Variants in RAB3C observed in about 807,000 individuals in gnomAD.
The protein encoded by RAB3C is RAB3C, member RAS oncogene family.
RAB3C carries 17 observed loss-of-function variants against 26.4 expected under a neutral mutation model. The ratio of observed to expected loss-of-function variants is 0.64; its 90% CI spans 0.44 to 0.97. RAB3C has a LOEUF of 0.97. Ranked by LOEUF, RAB3C falls within the 50% of genes least tolerant of loss-of-function variation. The probability of loss-of-function intolerance (pLI) is 0.00; values close to 1 mark genes in which losing one functional copy is unlikely to be tolerated. For missense variants in RAB3C, 242 were observed against 281.9 expected, an observed-to-expected ratio of 0.86 and a Z score of 1.01; for synonymous variants, 91 against 95.9, an observed-to-expected ratio of 0.95 and a Z score of 0.30.
At chr5:58,846,773 T>A (rs1332316168) in intron 4 of RAB3C, 1 of 151,966 alleles carries the variant, frequency 6.6e-6, no homozygotes, top group African/African-American at 2.4e-5. Context: ...TAGTCTGGCT[T>A]ACACTGCCTC....
In RAB3C at chr5:58,633,992, T is replaced by A. The variant is rs1193159498; in HGVS notation, c.252+16122T>A. ...CTAAAAAATACAAAAAAAAAAAAAA[T>A]TAGCCGGGCATGGTGGCTGGTGCCT... On this transcript the variant is annotated intron_variant, in intron 2 of 4. Coordinates refer to ENST00000282878, the MANE Select transcript of RAB3C (RefSeq NM_138453.4). Among the ~76,000 whole-genome samples, 12 of 138,682 alleles carry A rather than the reference T, an allele frequency of 8.7e-5. No homozygotes were observed. In the East Asian group the frequency reaches 2.7e-3, roughly 31 times the overall value. 91.0% of individuals were successfully genotyped at this position (138,682 alleles called of 152,430 possible). A position where few individuals can be genotyped will look rare whatever the true frequency, so the allele number is the denominator to read the frequency against.
chr5:58,779,014 A>G, intron 3 of RAB3C, among the ~76,000 whole-genome samples: 1 of 152,094 alleles, frequency 6.6e-6, no homozygotes, highest in Admixed American at 6.6e-5. Flanking sequence ...ATCAACAATC[A>G]CTTAGTAAGC....
chr5:58,613,110 G>A (rs1746748701), intron 1 of RAB3C, among the ~76,000 whole-genome samples: 2 of 152,044 alleles, frequency 1.3e-5, no homozygotes, highest in Non-Finnish European at 2.9e-5. Context: ...GGAGGCTGTG[G>A]TTACATGTTT....
chr5:58,651,990 T>A (rs1747662808), intron 2 of RAB3C, among the ~76,000 whole-genome samples: 1 of 152,192 alleles, frequency 6.6e-6, no homozygotes, highest in African/African-American at 2.4e-5. Context: ...TGTATTATTA[T>A]CTTTTATTGG....
At chr5:58,846,860 T>C (rs986311928) in intron 4 of RAB3C, 1 of 151,938 alleles carries the variant, frequency 6.6e-6, no homozygotes, top group African/African-American at 2.4e-5. Flanking sequence ...TTCCTCAGCA[T>C]AGCTAACATG....
chr5:58,768,501 A>G (rs1399150199), intron 3 of RAB3C, among the ~76,000 whole-genome samples: 1 of 152,170 alleles, frequency 6.6e-6, no homozygotes, highest in East Asian at 1.9e-4. Flanking sequence ...ATGCAGTATC[A>G]GATGGTGATA....
intron 2 of RAB3C, among the ~76,000 whole-genome samples, chr5:58,660,425 A>G (rs1747878752): frequency 6.7e-6 from 1 of 150,284 alleles, no homozygotes; most frequent in African/African-American, 2.5e-5. Flanking sequence ...ATGCAGAAAC[A>G]ACATGAGAGG....
At chr5:58,746,879 T>A (rs973910589) in intron 3 of RAB3C, among the ~76,000 whole-genome samples, 1 of 152,242 alleles carries the variant, frequency 6.6e-6, no homozygotes, top group African/African-American at 2.4e-5. Context: ...TATTTCTAGA[T>A]AAGAAAATTG....
Position 58,858,404 on chromosome 5 carries a change from A to T in RAB3C, c.*7053A>T, listed in dbSNP as rs1744311238. 1 of 152,198 alleles carries T rather than the reference A, an allele frequency of 6.6e-6. No homozygotes were observed. Among genetic ancestry groups the T allele is most frequent in the Non-Finnish European group, 1.5e-5 (1 of 68,036 alleles). 9.4% of individuals were successfully genotyped at this position (152,198 alleles called of 1,614,324 possible). ...AATTTTAGTTAGTTGTCACATAGTT[A>T]TTGAACCTCATATGCTCAGTGCTGT... On this transcript the variant is annotated 3_prime_UTR_variant, in exon 5 of 5. Coordinates refer to ENST00000282878, the MANE Select transcript of RAB3C (RefSeq NM_138453.4).
chr5:58,708,047 G>A (rs1204238092), intron 2 of RAB3C, among the ~76,000 whole-genome samples: 1 of 149,800 alleles, frequency 6.7e-6, no homozygotes, highest in Non-Finnish European at 1.5e-5. Flanking sequence ...CTGGAATGCA[G>A]TGGTACAATC....
chr5:58,690,236 A>C (rs946516686), intron 2 of RAB3C, among the ~76,000 whole-genome samples: 45 of 152,110 alleles, frequency 3.0e-4, no homozygotes, highest in Non-Finnish European at 4.6e-4. Flanking sequence ...TCTAATTTTA[A>C]AATATTATTT....
Position 58,583,137 on chromosome 5 carries a change from G to T in RAB3C, c.-72G>T. 1 of 1,611,372 alleles carries T rather than the reference G, an allele frequency of 6.2e-7. No individual in the cohort carries two copies. The highest frequency in any genetic ancestry group is 1.7e-5 in the Admixed American group (1 of 59,668). On this transcript the variant is annotated 5_prime_UTR_variant, in exon 1 of 5. Transcript: ENST00000282878. Reference sequence around the variant, plus strand: ...TGCAGAGTGTGGAGCGTGGAGCGCCGGGACTGTGCACGCTTGACCGGAAGC... The same window carrying T: ...TGCAGAGTGTGGAGCGTGGAGCGCCTGGACTGTGCACGCTTGACCGGAAGC...
At chr5:58,666,184 G>A (rs1022610209) in intron 2 of RAB3C, among the ~76,000 whole-genome samples, 14 of 152,168 alleles carry the variant, frequency 9.2e-5, no homozygotes, top group African/African-American at 3.4e-4. Flanking sequence ...GGATTGCATA[G>A]GGTAATATTC....
chr5:58,693,245 A>G (rs893803852), intron 2 of RAB3C, among the ~76,000 whole-genome samples: 2 of 145,850 alleles, frequency 1.4e-5, no homozygotes, highest in African/African-American at 5.0e-5. Context: ...TTATAATTAT[A>G]TAAATTTAAT....
chr5:58,676,577 G>A (rs1748232585), intron 2 of RAB3C, among the ~76,000 whole-genome samples: 1 of 152,070 alleles, frequency 6.6e-6, no homozygotes, highest in Admixed American at 6.5e-5. Context: ...GGCAAGGGTT[G>A]AGAATTCAGA....
At chr5:58,629,112 C>G (rs1284597398) in intron 2 of RAB3C, among the ~76,000 whole-genome samples, 1 of 144,048 alleles carries the variant, frequency 6.9e-6, no homozygotes, top group East Asian at 2.2e-4. Context: ...AAGAATATTA[C>G]TTGTTATAAT....
At chr5:58,592,009 C>T (rs2111658926) in intron 1 of RAB3C, among the ~76,000 whole-genome samples, 1 of 151,860 alleles carries the variant, frequency 6.6e-6, no homozygotes, top group Non-Finnish European at 1.5e-5. Flanking sequence ...AGCGATTCTC[C>T]TGCCTCAGCT....
At chr5:58,624,135 G>A (rs1747000372) in intron 2 of RAB3C, among the ~76,000 whole-genome samples, 1 of 152,110 alleles carries the variant, frequency 6.6e-6, no homozygotes, top group South Asian at 2.1e-4. Context: ...TGCCTACTGT[G>A]TGCCAGGCAC....
intron 2 of RAB3C, among the ~76,000 whole-genome samples, chr5:58,702,250 C>T (rs375835434): frequency 2.0e-5 from 3 of 152,056 alleles, no homozygotes; most frequent in Admixed American, 6.6e-5. Flanking sequence ...AAATGCTGTC[C>T]GTGACCCATT....
Sources: gnomAD v4.1 joint callset for allele counts (sites outside exome capture counted in the v4.1 genomes callset) on GRCh38, gnomAD v4.1.1 for gene constraint, MANE v1.5 for transcripts, NCBI Gene and HGNC (gene_info 2026-07-23, HGNC 2026-07-21) for gene names.